The following ARHGAP28 variants were observed in gnomAD, a reference collection of about 807,000 sequenced individuals.
ARHGAP28 encodes rho GTPase-activating protein 28.
A neutral mutation model predicts 90.7 loss-of-function variants in ARHGAP28; 56 were observed. The ratio of observed to expected loss-of-function variants is 0.62; its 90% CI spans 0.50 to 0.77. The LOEUF is 0.77. Ranked by LOEUF, ARHGAP28 falls within the 30% of genes least tolerant of loss-of-function variation. The pLI, the probability that ARHGAP28 is intolerant of heterozygous loss-of-function variation, is 0.00. For missense variants in ARHGAP28, 869 were observed against 900.9 expected (o/e 0.96, Z 0.45); for synonymous variants, 308 against 323.3 (o/e 0.95, Z 0.51).
At chr18:6,829,174 CCAGAAAGA>C (rs1237008214) in intron 2 of ARHGAP28, among the ~76,000 whole-genome samples, 1 of 152,196 alleles carries the variant, frequency 6.6e-6, no homozygotes, top group Non-Finnish European at 1.5e-5. Context: ...CTTTTCAGAT[CCAGAAAGA>C]CAGGAAGACA....
intron 16 of ARHGAP28, chr18:6,898,235 G>A (rs575856055): frequency 1.7e-5 from 7 of 400,708 alleles, no homozygotes; most frequent in African/African-American, 4.1e-5. Flanking sequence ...TGTAGTGGAA[G>A]GTAGGGGGTG....
chr18:6,891,550 C>T (rs2057265638), intron 14 of ARHGAP28, among the ~76,000 whole-genome samples: 1 of 152,104 alleles, frequency 6.6e-6, no homozygotes, highest in Non-Finnish European at 1.5e-5. Context: ...TCCCGAAGTG[C>T]TGAGATTACA....
intron 17 of ARHGAP28, among the ~76,000 whole-genome samples, chr18:6,910,654 G>C (rs916028940): frequency 6.6e-6 from 1 of 151,830 alleles, no homozygotes; most frequent in African/African-American, 2.4e-5. Flanking sequence ...TTTCTCTCAT[G>C]TTCTTATCAC....
chr18:6,889,031 T>C (rs1237578879), intron 12 of ARHGAP28, among the ~76,000 whole-genome samples: 2 of 152,126 alleles, frequency 1.3e-5, no homozygotes, highest in African/African-American at 4.8e-5. Flanking sequence ...TTTGGAATAA[T>C]GATGAGTGAA....
intron 6 of ARHGAP28, among the ~76,000 whole-genome samples, chr18:6,868,466 C>G (rs773922305): frequency 6.6e-6 from 1 of 152,156 alleles, no homozygotes; most frequent in African/African-American, 2.4e-5. Flanking sequence ...TCCTCCTTCA[C>G]GACCACCTCA....
intron 1 of ARHGAP28, among the ~76,000 whole-genome samples, chr18:6,761,001 A>C (rs1430650229): frequency 6.6e-6 from 1 of 152,232 alleles, no homozygotes; most frequent in Non-Finnish European, 1.5e-5. Context: ...TGTATACAAC[A>C]AACTTTTTTA....
intron 1 of ARHGAP28, among the ~76,000 whole-genome samples, chr18:6,757,425 A>G (rs908084261): frequency 2.0e-5 from 3 of 152,298 alleles, no homozygotes; most frequent in Middle Eastern, 3.4e-3. Flanking sequence ...CAGAAGCTTG[A>G]CCAGCTTTAC....
intron 1 of ARHGAP28, among the ~76,000 whole-genome samples, chr18:6,746,939 T>TGTATACACC (rs1467981183): frequency 6.6e-6 from 1 of 152,066 alleles, no homozygotes. Context: ...AAAACAGCAC[T>TGTATACACC]GTATATTGAA....
intron 1 of ARHGAP28, among the ~76,000 whole-genome samples, chr18:6,740,939 C>T (rs2055971710): frequency 6.6e-6 from 1 of 152,184 alleles, no homozygotes; most frequent in Non-Finnish European, 1.5e-5. Context: ...ATGTGGGCTA[C>T]TGGGTTCGGG....
chr18:6,905,359 A>G (rs1465031474), intron 16 of ARHGAP28, among the ~76,000 whole-genome samples: 1 of 152,184 alleles, frequency 6.6e-6, no homozygotes, highest in Non-Finnish European at 1.5e-5. Flanking sequence ...AAAATCCAAC[A>G]CCGAGTCATG....
chr18:6,858,869 TA>T (rs11443979), intron 4 of ARHGAP28, among the ~76,000 whole-genome samples: 1,461 of 144,326 alleles, frequency 0.01, 15 homozygotes, highest in African/African-American at 0.025. Flanking sequence ...TTTGTTTCTT[TA>T]AAAAAAAAAA....
chr18:6,908,152 T>TTTATC (rs1298233589), intron 16 of ARHGAP28, among the ~76,000 whole-genome samples: 1 of 151,992 alleles, frequency 6.6e-6, no homozygotes, highest in East Asian at 1.9e-4. Flanking sequence ...TTTATTTTAT[T>TTTATC]TTCGAGATGG....
At chr18:6,765,671 C>G (rs1048009912) in intron 1 of ARHGAP28, among the ~76,000 whole-genome samples, 1 of 151,982 alleles carries the variant, frequency 6.6e-6, no homozygotes. Context: ...ATTTAATGCT[C>G]TTCTTTTAAT....
At chr18:6,813,069 T>C (rs2056567672) in intron 1 of ARHGAP28, among the ~76,000 whole-genome samples, 2 of 152,210 alleles carry the variant, frequency 1.3e-5, no homozygotes, top group Non-Finnish European at 2.9e-5. Flanking sequence ...ATGTGAATAA[T>C]AAGAATGTGG....
chr18:6,823,378 G>A (rs2056638905), intron 1 of ARHGAP28, among the ~76,000 whole-genome samples: 1 of 151,962 alleles, frequency 6.6e-6, no homozygotes, highest in African/African-American at 2.4e-5. Context: ...GTTGTTTCTT[G>A]TGTCTGAATT....
At chr18:6,909,929 G>C (rs1217144480) in intron 17 of ARHGAP28, among the ~76,000 whole-genome samples, 1 of 152,072 alleles carries the variant, frequency 6.6e-6, no homozygotes, top group Non-Finnish European at 1.5e-5. Context: ...TTTAAAAATT[G>C]GCAATTTCCC....
At chr18:6,888,368 AT>A (rs11290714) in intron 12 of ARHGAP28, among the ~76,000 whole-genome samples, 81,677 of 151,960 alleles carry the variant, frequency 0.54, 22,120 homozygotes, top group East Asian at 0.63. Flanking sequence ...AGAGATGGTA[AT>A]TTTGAGGCCA....
intron 7 of ARHGAP28, among the ~76,000 whole-genome samples, chr18:6,871,025 C>A (rs1444792594): frequency 6.6e-6 from 1 of 152,214 alleles, no homozygotes; most frequent in Non-Finnish European, 1.5e-5. Flanking sequence ...TGGTCTCGAT[C>A]TCCTGACCTC....
At chr18:6,836,227 C>G (rs997938269) in intron 2 of ARHGAP28, 4 of 152,430 alleles carry the variant, frequency 2.6e-5, no homozygotes, top group African/African-American at 9.7e-5. Context: ...AGAGAAAGAA[C>G]AGATCCCAGG....
Sources: gnomAD v4.1 joint callset for allele counts (sites outside exome capture counted in the v4.1 genomes callset) on GRCh38, gnomAD v4.1.1 for gene constraint, MANE v1.5 for transcripts, NCBI Gene and HGNC (gene_info 2026-07-23, HGNC 2026-07-21) for gene names.